Variants in MYO10 observed in about 807,000 individuals in gnomAD.
MYO10 encodes unconventional myosin-X.
In MYO10, 133 loss-of-function variants were observed where a neutral mutation model predicts 257.3. That is an observed-to-expected ratio of 0.52 (90% CI 0.45 to 0.60). MYO10 has a LOEUF of 0.60. MYO10 is among the 20% of genes least tolerant of loss of function. The pLI is 0.00. For missense variants in MYO10, 2,399 were observed against 2,635.7 expected, an observed-to-expected ratio of 0.91 and a Z score of 1.97; for synonymous variants, 1,104 against 1,028.6, an observed-to-expected ratio of 1.07 and a Z score of -1.40.
chr5:16,681,285 G>A, intron 32 of MYO10, 24 bp downstream of exon 32: 1 of 1,595,260 alleles, frequency 6.3e-7, no homozygotes. Context: ...TGATGCTCAG[G>A]GTTCGGGCAG....
At chr5:16,785,307 CG>C (rs1741546049) in intron 4 of MYO10, among the ~76,000 whole-genome samples, 1 of 152,170 alleles carries the variant, frequency 6.6e-6, no homozygotes, top group South Asian at 2.1e-4. Flanking sequence ...GTGCCTGGCA[CG>C]GGGGAGGCAT....
chr5:16,744,401 G>A (rs1369532020), intron 19 of MYO10, among the ~76,000 whole-genome samples: 1 of 152,084 alleles, frequency 6.6e-6, no homozygotes, highest in Non-Finnish European at 1.5e-5. Context: ...ATGAGGCCTG[G>A]GCGAAACCTG....
At chr5:16,753,859 AG>A (rs1315859986) in intron 19 of MYO10, among the ~76,000 whole-genome samples, 2 of 152,218 alleles carry the variant, frequency 1.3e-5, no homozygotes, top group Non-Finnish European at 2.9e-5. Flanking sequence ...GCATTATAAA[AG>A]ATAAGATCCA....
chr5:16,857,334 T>A (rs138579283), intron 2 of MYO10, among the ~76,000 whole-genome samples: 1,860 of 152,254 alleles, frequency 0.012, 34 homozygotes, highest in Middle Eastern at 0.034. Flanking sequence ...GCAGCAGCAG[T>A]TGAAAAAGGT....
At chr5:16,877,375 C>T (rs575905997) in intron 2 of MYO10, among the ~76,000 whole-genome samples, 1 of 152,352 alleles carries the variant, frequency 6.6e-6, no homozygotes, top group East Asian at 1.9e-4. Flanking sequence ...GTGCCATGCC[C>T]TTCTGTCCCC....
chr5:16,768,145 T>C (rs926297524), intron 10 of MYO10, among the ~76,000 whole-genome samples: 12 of 152,150 alleles, frequency 7.9e-5, no homozygotes, highest in Non-Finnish European at 1.5e-4. Flanking sequence ...CACTCTGAAC[T>C]TGAACTCATC....
chr5:16,833,187 T>C (rs1430243595), intron 2 of MYO10, among the ~76,000 whole-genome samples: 1 of 151,736 alleles, frequency 6.6e-6, no homozygotes, highest in African/African-American at 2.4e-5. Context: ...TTAATTTTAA[T>C]GATGTTTTAA....
At chr5:16,759,285 G>A (rs1215551946) in intron 17 of MYO10, among the ~76,000 whole-genome samples, 4 of 152,134 alleles carry the variant, frequency 2.6e-5, no homozygotes, top group African/African-American at 9.7e-5. Flanking sequence ...GAGCTGGTGG[G>A]GTTGGTGGCT....
At chr5:16,687,725 T>C (rs995772527) in intron 28 of MYO10, among the ~76,000 whole-genome samples, 2 of 151,932 alleles carry the variant, frequency 1.3e-5, no homozygotes, top group Non-Finnish European at 2.9e-5. Flanking sequence ...GATATGCATA[T>C]CTCTTGTATA....
At chr5:16,807,205 A>G (rs1742303536) in intron 3 of MYO10, among the ~76,000 whole-genome samples, 1 of 152,192 alleles carries the variant, frequency 6.6e-6, no homozygotes, top group Non-Finnish European at 1.5e-5. Context: ...TCTTGAGTGC[A>G]ACTTCAGCTG....
At chr5:16,681,571 T>C in intron 31 of MYO10, 68 bp from the exon 32 acceptor site, 1 of 1,420,660 alleles carries the variant, frequency 7.0e-7, no homozygotes, top group Non-Finnish European at 9.6e-7. Flanking sequence ...CACAATCATC[T>C]GCATAATGCT....
intron 15 of MYO10, 81 bp downstream of exon 15, chr5:16,762,464 C>G (rs571401050): frequency 9.0e-7 from 1 of 1,112,974 alleles, no homozygotes; most frequent in African/African-American, 1.6e-5. Context: ...GTTGGGCCAG[C>G]GGACTGACAT....
At chr5:16,699,338 T>A in intron 26 of MYO10, 112 bp downstream of exon 26, 1 of 1,373,246 alleles carries the variant, frequency 7.3e-7, no homozygotes, top group Non-Finnish European at 9.7e-7. Context: ...TCCCCATCCA[T>A]CAGCCCAGAT....
At chr5:16,817,906 A>T in intron 3 of MYO10, 103 bp downstream of exon 3, 2 of 1,033,884 alleles carry the variant, frequency 1.9e-6, no homozygotes, top group Non-Finnish European at 2.6e-6. Context: ...TTTTACTTAG[A>T]TTAACAAGAA....
intron 21 of MYO10, among the ~76,000 whole-genome samples, chr5:16,704,998 C>G (rs1280951441): frequency 6.6e-6 from 1 of 152,306 alleles, no homozygotes; most frequent in East Asian, 1.9e-4. Flanking sequence ...AGCTTCTCAA[C>G]ACTTAACACA....
chr5:16,677,472 G>C (rs1305894252), intron 33 of MYO10, among the ~76,000 whole-genome samples: 1 of 143,306 alleles, frequency 7.0e-6, no homozygotes, highest in African/African-American at 2.6e-5. Flanking sequence ...CCGGAGTGCA[G>C]TGGCGCTATC....
At chr5:16,729,612 T>C (rs1046637655) in intron 19 of MYO10, among the ~76,000 whole-genome samples, 1 of 151,504 alleles carries the variant, frequency 6.6e-6, no homozygotes, top group African/African-American at 2.4e-5. Context: ...ACCCGGCTAA[T>C]TTTTTGTATT....
intron 17 of MYO10, among the ~76,000 whole-genome samples, chr5:16,760,857 C>T (rs150430368): frequency 2.0e-5 from 3 of 152,198 alleles, no homozygotes; most frequent in Middle Eastern, 3.4e-3. Flanking sequence ...TTAACTGCTT[C>T]AAGGCTCGGT....
At chr5:16,864,148 A>T (rs77914556) in intron 2 of MYO10, among the ~76,000 whole-genome samples, 336 of 134,468 alleles carry the variant, frequency 2.5e-3, no homozygotes, top group African/African-American at 8.6e-3. Context: ...CTATGTGGCT[A>T]TTTTTTTTTT....
Sources: gnomAD v4.1 joint callset for allele counts (sites outside exome capture counted in the v4.1 genomes callset) on GRCh38, gnomAD v4.1.1 for gene constraint, MANE v1.5 for transcripts, NCBI Gene and HGNC (gene_info 2026-07-23, HGNC 2026-07-21) for gene names.